SEMA6D: variants seen among roughly 807,000 people sequenced by gnomAD.
SEMA6D encodes semaphorin 6D.
Under a neutral mutation model 106.6 loss-of-function variants are expected in SEMA6D, and 35 were observed. The ratio of observed to expected loss-of-function variants is 0.33; its 90% CI spans 0.25 to 0.44. The LOEUF (loss-of-function observed/expected upper bound fraction) is 0.44, where lower values mean the gene tolerates loss of function less well. SEMA6D is among the 20% of genes least tolerant of loss of function. The probability of loss-of-function intolerance (pLI) is 1.00; values close to 1 mark genes in which losing one functional copy is unlikely to be tolerated. For missense variants in SEMA6D, 1,185 were observed against 1,345.9 expected (o/e 0.88, Z 1.87); for synonymous variants, 499 against 487.7 (o/e 1.02, Z -0.31).
chr15:47,598,538 C>T (rs1027535643), intron 3 of SEMA6D, among the ~76,000 whole-genome samples: 4 of 152,196 alleles, frequency 2.6e-5, no homozygotes, highest in East Asian at 1.9e-4. Flanking sequence ...TAAAATAGCC[C>T]ATTAATATTT....
intron 1 of SEMA6D, among the ~76,000 whole-genome samples, chr15:47,733,750 C>G (rs1367109284): frequency 1.3e-5 from 2 of 152,180 alleles, no homozygotes; most frequent in East Asian, 1.9e-4. Context: ...AGGCACTTAG[C>G]ATGGTATCTG....
At chr15:47,314,364 C>T (rs1038240004) in intron 1 of SEMA6D, among the ~76,000 whole-genome samples, 12 of 151,488 alleles carry the variant, frequency 7.9e-5, no homozygotes, top group East Asian at 5.9e-4. Flanking sequence ...TTTGGGAGGC[C>T]GAGGCGGGCG....
At chr15:47,270,280 G>A (rs1434835760) in intron 1 of SEMA6D, among the ~76,000 whole-genome samples, 2 of 150,474 alleles carry the variant, frequency 1.3e-5, no homozygotes, top group Non-Finnish European at 3.0e-5. Context: ...TTCTAATTAT[G>A]ATAGTATATA....
intron 2 of SEMA6D, among the ~76,000 whole-genome samples, chr15:47,438,503 ATC>A (rs2041789679): frequency 6.6e-6 from 1 of 152,056 alleles, no homozygotes; most frequent in Admixed American, 6.6e-5. Flanking sequence ...TTTGTTACCC[ATC>A]TCTTCTCCTC....
intron 1 of SEMA6D, among the ~76,000 whole-genome samples, chr15:47,361,446 C>A (rs940783249): frequency 6.6e-6 from 1 of 152,222 alleles, no homozygotes; most frequent in African/African-American, 2.4e-5. Flanking sequence ...ACAATGATTT[C>A]TACAAGTCCT....
chr15:47,735,605 A>G (rs1427486599), intron 1 of SEMA6D, among the ~76,000 whole-genome samples: 1 of 152,224 alleles, frequency 6.6e-6, no homozygotes. Context: ...CACAATCATC[A>G]TTTTTAGATA....
chr15:47,335,516 A>G lies in SEMA6D; in HGVS notation c.-238-76877A>G, dbSNP rs114896612. Among the ~76,000 whole-genome samples the G allele has an allele frequency of 7.0e-3, 1,071 of 152,232 alleles. 12 individuals carry two copies. Among genetic ancestry groups the G allele is most frequent in the African/African-American group, 0.021 (875 of 41,564 alleles). On this transcript the variant is annotated intron_variant, in intron 1 of 19. Coordinates refer to the SEMA6D transcript ENST00000558014. ...AGCTGATATGCTTCCTATGCAAGCC[A>G]TGTTGGACTGGCCTTATGATGACTA...
intron 4 of SEMA6D, among the ~76,000 whole-genome samples, chr15:47,643,296 A>G (rs2077523472): frequency 6.6e-6 from 1 of 152,188 alleles, no homozygotes; most frequent in Non-Finnish European, 1.5e-5. Context: ...CTGCATTTCC[A>G]CTGCTTTGGA....
chr15:47,616,607 A>G (rs1386551984), intron 4 of SEMA6D, among the ~76,000 whole-genome samples: 2 of 150,972 alleles, frequency 1.3e-5, no homozygotes, highest in African/African-American at 4.9e-5. Flanking sequence ...ATGATCCTAG[A>G]CAAGGTATTG....
intron 1 of SEMA6D, among the ~76,000 whole-genome samples, chr15:47,741,523 C>A (rs773069591): frequency 6.6e-6 from 1 of 152,178 alleles, no homozygotes; most frequent in Non-Finnish European, 1.5e-5. Context: ...TCAAGACCAG[C>A]CTGACCAACG....
At chr15:47,656,490 T>C (rs559251377) in intron 4 of SEMA6D, among the ~76,000 whole-genome samples, 2 of 152,336 alleles carry the variant, frequency 1.3e-5, no homozygotes, top group South Asian at 4.1e-4. Context: ...GATTTTCACC[T>C]TAAAATTATT....
chr15:47,575,825 C>T (rs1441092846), intron 3 of SEMA6D, among the ~76,000 whole-genome samples: 1 of 152,098 alleles, frequency 6.6e-6, no homozygotes, highest in South Asian at 2.1e-4. Flanking sequence ...GGTATCTCTC[C>T]TTTTTAGGTA....
At chr15:47,367,667 C>T (rs74011413) in intron 1 of SEMA6D, among the ~76,000 whole-genome samples, 20,944 of 149,490 alleles carry the variant, frequency 0.14, 1,618 homozygotes, top group Admixed American at 0.18. Context: ...CCCCTAAACA[C>T]GCACGCTCAC....
chr15:47,310,766 A>G (rs138146542), intron 1 of SEMA6D, among the ~76,000 whole-genome samples: 170 of 152,318 alleles, frequency 1.1e-3, no homozygotes, highest in African/African-American at 3.8e-3. Context: ...ATGTTACACT[A>G]TATCATAGTC....
chr15:47,499,789 G>T (rs373445074), intron 3 of SEMA6D, among the ~76,000 whole-genome samples: 5 of 151,976 alleles, frequency 3.3e-5, no homozygotes, highest in South Asian at 4.2e-4. Flanking sequence ...GTAAATCTTG[G>T]GTTGATAGCC....
intron 1 of SEMA6D, chr15:47,273,033 C>T (rs1166916549): frequency 1.3e-5 from 2 of 152,174 alleles, no homozygotes; most frequent in Non-Finnish European, 2.9e-5. Flanking sequence ...CCTCCTAGGA[C>T]ATGACCTTCT....
At chr15:47,360,144 T>A (rs1176772380) in intron 1 of SEMA6D, 1 of 152,198 alleles carries the variant, frequency 6.6e-6, no homozygotes, top group East Asian at 1.9e-4. Context: ...AAGTGCATCC[T>A]GCCCATCAGT....
chr15:47,359,594 C>T (rs775890151), intron 1 of SEMA6D: 2 of 152,062 alleles, frequency 1.3e-5, no homozygotes, highest in East Asian at 3.9e-4. Context: ...AGATTTCAAG[C>T]ACTGAAAGTT....
At position 47,765,934 on chromosome 15, in the gene SEMA6D, CT is replaced by C; in HGVS notation, c.1496del (p.Leu499TyrfsTer38). On this transcript the variant is annotated frameshift_variant, in exon 14 of 19. Transcript: ENST00000536845. LOFTEE classifies it high-confidence loss of function. ...ISLQLDKDHHALYVAFSSCII... is the reference protein window; with the variant it reads ...ISLQLDKDHHXLYVAFSSCII... Reference sequence around the variant, plus strand: ...TTACAGTTGGATAAAGATCACCACGCTTTATATGTGGCGTTCTCTAGCTGCA... The same window carrying C: ...TTACAGTTGGATAAAGATCACCACGCTTATATGTGGCGTTCTCTAGCTGCA... 6.3e-7 allele frequency: 1 copy of C among 1,581,390 alleles called. No homozygotes were observed.
Sources: allele counts gnomAD v4.1 joint callset (sites outside exome capture counted in the v4.1 genomes callset), GRCh38; gene constraint gnomAD v4.1.1; transcripts MANE v1.5; gene names NCBI Gene and HGNC (gene_info 2026-07-23, HGNC 2026-07-21).